Variants in TM4SF1 observed in about 807,000 individuals in gnomAD.
The protein encoded by TM4SF1 is transmembrane 4 L6 family member 1.
TM4SF1 carries 20 observed loss-of-function variants against 24.5 expected under a neutral mutation model. The ratio of observed to expected loss-of-function variants is 0.82; its 90% CI spans 0.57 to 1.19. The LOEUF (loss-of-function observed/expected upper bound fraction) is 1.19, where lower values mean the gene tolerates loss of function less well. Among genes scored for constraint, TM4SF1 ranks in the 50% most tolerant of loss-of-function variants. The pLI is 0.00. For synonymous variants in TM4SF1, 107 were observed against 95.4 expected (o/e 1.12, Z -0.71); for missense variants, 258 against 248.1 (o/e 1.04, Z -0.27).
Position 149,371,797 on chromosome 3 carries a change from G to A in TM4SF1, c.484C>T (p.Leu162=). 1 of 1,614,090 alleles carries A rather than the reference G, an allele frequency of 6.2e-7. No homozygotes were observed. Among genetic ancestry groups the A allele is most frequent in the Non-Finnish European group, 8.5e-7 (1 of 1,179,998 alleles). Residue 162 remains leucine, a synonymous_variant, in exon 4 of 5, where the codon CTG becomes TTG. Coordinates refer to ENST00000305366, the MANE Select transcript of TM4SF1 (RefSeq NM_014220.3). ...PKHIVEWNVS[L]FSILLALGGI... is the part of the protein sequence containing the mutation. ...CCAAGAGCCAAGAGGATAGAAAACA[G>A]AGATACATTCCATTCCACAATGTGC... is the stretch of plus-strand genomic sequence containing the variant.
chr3:149,372,832 T>C (rs1231092737), intron 3 of TM4SF1, among the ~76,000 whole-genome samples: 3 of 152,158 alleles, frequency 2.0e-5, no homozygotes, highest in African/African-American at 4.8e-5. Context: ...GAGTTGATAA[T>C]AGCATGTAGC....
rs1560001300 is a variant in TM4SF1 at position 149,369,679 on chromosome 3, CA to C, written c.*186del. 1.5e-6 allele frequency: 1 copy of C among 651,240 alleles called. No homozygotes were observed. Among genetic ancestry groups the C allele is most frequent in the South Asian group, 2.4e-5 (1 of 41,416 alleles). 40.3% of individuals were successfully genotyped at this position (651,240 alleles called of 1,614,324 possible). ...AAAAAAACAAAAACAAATAAACAAA[CA>C]AAAAAGAAGTTTACTAAATTTAAAC... On this transcript the variant is annotated 3_prime_UTR_variant, in exon 5 of 5. Transcript: ENST00000305366.
At chr3:149,372,408 G>GT (rs1045280288) in intron 3 of TM4SF1, among the ~76,000 whole-genome samples, 73 of 148,240 alleles carry the variant, frequency 4.9e-4, no homozygotes, top group South Asian at 3.2e-3. Flanking sequence ...CTTTAGGCTA[G>GT]TTTTTTTTTT....
At chr3:149,371,341 G>A in intron 4 of TM4SF1, 1 of 480,068 alleles carries the variant, frequency 2.1e-6, no homozygotes, top group Non-Finnish European at 3.7e-6. Context: ...TATACTAGTT[G>A]GGAATATAAC....
Position 149,369,725 on chromosome 3 carries a change from G to A in TM4SF1, c.*141C>T, listed in dbSNP as rs775549421. On this transcript the variant is annotated 3_prime_UTR_variant, in exon 5 of 5. Transcript: ENST00000305366. ...TTAAACACTGACATCCTGTGAAGAT[G>A]CCAGTCTTTACAGGCGTTTGTAAAA... 2 of 936,786 alleles carry A rather than the reference G, an allele frequency of 2.1e-6. No homozygotes were observed. The highest frequency in any genetic ancestry group is 3.1e-5 in the South Asian group (2 of 63,578). The allele number at this position is 936,786 out of a possible 1,614,324, so 58.0% of individuals were successfully genotyped here.
rs1731927571 is a variant in TM4SF1, at chr3:149,375,487, A to C, written c.369T>G (p.Asp123Glu). ...LGLAEGPLCL[D>E]SLGQWNYTFA... is the part of the protein sequence containing the mutation. ...AGGTGTAGTTCCACTGGCCGAGGGA[A>C]TCAAGACATAGTGGTCCTTCTGCTA... is the stretch of plus-strand genomic sequence containing the variant. The change falls in exon 3 of 5, where the codon GAT (aspartate) becomes GAG (glutamate). Residue 123 changes from aspartate (D) to glutamate (E), a missense_variant. Transcript: ENST00000305366. 5.0e-6 allele frequency: 8 copies of C among 1,614,100 alleles called. No individual in the cohort carries two copies. The highest frequency in any genetic ancestry group is 1.3e-5 in the African/African-American group (1 of 74,938).
rs879225481 is a variant in TM4SF1 at position 149,370,936 on chromosome 3, T to TAC, written c.594+750_594+751insGT. On this transcript the variant is annotated intron_variant, in intron 4 of 4. Transcript: ENST00000305366. ...AGCTGGACTTTCATTAATTCAATAA[T>TAC]ATATATATTTTAGGAGGATATAGAA... 2.0e-5 allele frequency: 3 copies of TAC among 152,262 alleles called. No individual in the cohort carries two copies. In the South Asian group the frequency reaches 6.2e-4, roughly 32 times the overall value. The allele number at this position is 152,262 out of a possible 1,614,324, so 9.4% of individuals were successfully genotyped here. A position where few individuals can be genotyped will look rare whatever the true frequency, so the allele number is the denominator to read the frequency against.
chr3:149,372,280 C>T (rs1731843218), intron 3 of TM4SF1, among the ~76,000 whole-genome samples: 1 of 152,096 alleles, frequency 6.6e-6, no homozygotes, highest in South Asian at 2.1e-4. Context: ...AATTCATGTG[C>T]TAAAGTAGAG....
At chr3:149,375,405 G>C in intron 3 of TM4SF1, 38 bp downstream of exon 3, 1 of 1,609,860 alleles carries the variant, frequency 6.2e-7, no homozygotes, top group Non-Finnish European at 8.5e-7. Flanking sequence ...ACATGTGGTG[G>C]ATAAAAATGT....
chr3:149,372,511 A>G (rs892165057), intron 3 of TM4SF1, among the ~76,000 whole-genome samples: 1 of 152,118 alleles, frequency 6.6e-6, no homozygotes, highest in Non-Finnish European at 1.5e-5. Flanking sequence ...GATATTTAAT[A>G]TGCTGGAATT....
chr3:149,371,521 T>A, intron 4 of TM4SF1, 166 bp downstream of exon 4: 1 of 700,506 alleles, frequency 1.4e-6, no homozygotes, highest in Non-Finnish European at 2.4e-6. Flanking sequence ...CGAGGAAGCT[T>A]GTTACTGACA....
intron 1 of TM4SF1, among the ~76,000 whole-genome samples, chr3:149,376,167 TG>T (rs1731946910): frequency 1.3e-5 from 2 of 152,238 alleles, no homozygotes; most frequent in African/African-American, 4.8e-5. Flanking sequence ...ATAGAATAAC[TG>T]AAACTTTTTT....
Position 149,369,426 on chromosome 3 carries a change from A to G in TM4SF1, c.*440T>C, listed in dbSNP as rs1484026782. On this transcript the variant is annotated 3_prime_UTR_variant, in exon 5 of 5. Coordinates refer to ENST00000305366, the MANE Select transcript of TM4SF1 (RefSeq NM_014220.3). ...TAGGTGTATGAATGGGAAACATCAT[A>G]CAAGCAGTGAAAACAAAAATCTTTC... 6.1e-6 allele frequency: 1 copy of G among 163,410 alleles called. No individual in the cohort carries two copies. The highest frequency in any genetic ancestry group is 2.4e-5 in the African/African-American group (1 of 41,532). 10.1% of individuals were successfully genotyped at this position (163,410 alleles called of 1,614,324 possible). A position where few individuals can be genotyped will look rare whatever the true frequency, so the allele number is the denominator to read the frequency against.
intron 3 of TM4SF1, among the ~76,000 whole-genome samples, chr3:149,375,009 T>G (rs1157690946): frequency 6.6e-6 from 1 of 152,164 alleles, no homozygotes; most frequent in Non-Finnish European, 1.5e-5. Flanking sequence ...CTCTGTGATT[T>G]TGTTTCCTCA....
In TM4SF1 at chr3:149,371,723, A is replaced by C. The variant is rs1473335646; in HGVS notation, c.558T>G (p.Leu186=). 1.9e-6 allele frequency: 3 copies of C among 1,614,100 alleles called. No homozygotes were observed. The highest frequency in any genetic ancestry group is 2.5e-6 in the Non-Finnish European group (3 of 1,180,034). ...LCLIQVINGV[L]GGICGFCCSH... The stretch of plus-strand genomic sequence containing the variant: ...AGCAGCAAAAGCCACATATGCCTCC[A>C]AGCACTCCATTTATTACTTGAATAA... Residue 186 remains leucine (L), a synonymous_variant, in exon 4 of 5, where the codon CTT becomes CTG. Coordinates refer to ENST00000305366, the MANE Select transcript of TM4SF1 (RefSeq NM_014220.3).
chr3:149,376,193 T>A (rs147608203), intron 1 of TM4SF1, among the ~76,000 whole-genome samples: 63 of 152,342 alleles, frequency 4.1e-4, no homozygotes, highest in African/African-American at 1.5e-3. Context: ...ATGGGAGACA[T>A]GAAAGCTATA....
intron 3 of TM4SF1, 36 bp from the exon 4 acceptor site, chr3:149,371,903 A>G (rs1731832580): frequency 1.9e-6 from 3 of 1,599,566 alleles, no homozygotes; most frequent in South Asian, 1.1e-5. Flanking sequence ...ACACACGGTC[A>G]TACTTGAGGG....
At chr3:149,377,297 A>G (rs970031728) in intron 1 of TM4SF1, 74 bp downstream of exon 1, 1 of 1,524,000 alleles carries the variant, frequency 6.6e-7, no homozygotes, top group Non-Finnish European at 8.8e-7. Flanking sequence ...ATTACAAAAA[A>G]CTTTCCATGA....
intron 1 of TM4SF1, 23 bp from the exon 2 acceptor site, chr3:149,375,792 C>A (rs759672618): frequency 2.5e-6 from 4 of 1,612,832 alleles, no homozygotes; most frequent in Middle Eastern, 1.7e-4. Flanking sequence ...CAAACAAAGT[C>A]AGGTCATTGT....
Sources: allele counts gnomAD v4.1 joint callset (sites outside exome capture counted in the v4.1 genomes callset), GRCh38; gene constraint gnomAD v4.1.1; transcripts MANE v1.5; gene names NCBI Gene and HGNC (gene_info 2026-07-23, HGNC 2026-07-21).